Variants in CNPY4 observed in about 807,000 individuals in gnomAD.
The protein encoded by CNPY4 is protein canopy homolog 4.
Under a neutral mutation model 30.1 loss-of-function variants are expected in CNPY4, and 33 were observed. That is an observed-to-expected ratio of 1.10 (90% CI 0.83 to 1.46). CNPY4 has a LOEUF of 1.46. Among genes scored for constraint, CNPY4 ranks in the 40% most tolerant of loss-of-function variants. CNPY4 has a pLI of 0.00. For missense variants in CNPY4, 324 were observed against 302.6 expected, an observed-to-expected ratio of 1.07 and a Z score of -0.52; for synonymous variants, 109 against 110.1, an observed-to-expected ratio of 0.99 and a Z score of 0.06.
At chr7:100,121,086 A>AT in intron 1 of CNPY4, 1 of 57,570 alleles carries the variant, frequency 1.7e-5, no homozygotes. Flanking sequence ...CAATTGTATT[A>AT]ATTTTATATA....
chr7:100,120,927 A>G (rs1798020050), intron 1 of CNPY4, among the ~76,000 whole-genome samples: 1 of 151,814 alleles, frequency 6.6e-6, no homozygotes. Context: ...ATTGCTGTCT[A>G]TATTGTTAGT....
chr7:100,121,108 A>ATTTTTTTTTTTT (rs1562938218), intron 1 of CNPY4: 3 of 17,890 alleles, frequency 1.7e-4, no homozygotes, highest in Non-Finnish European at 3.8e-4. Flanking sequence ...ATATATATAT[A>ATTTTTTTTTTTT]TATATATATT....
chr7:100,122,301 G>A lies in CNPY4; in HGVS notation c.161G>A (p.Arg54His), dbSNP rs774672735. Residue 54 changes from arginine (R) to histidine (H), a missense_variant, in exon 2 of 6, where the codon CGC (arginine) becomes CAC (histidine). By Grantham distance (29) the Arg-to-His change is conservative. Transcript: ENST00000262932. ...LSTELQAELS[R>H]TGRSREVLEL... ...ACAGAGCTACAGGCGGAACTGAGTC[G>A]CACCGGTCGATCTCGAGAGGTGCTG... 14 of 1,613,970 alleles carry A rather than the reference G, an allele frequency of 8.7e-6. No homozygotes were observed. The highest frequency in any genetic ancestry group is 5.0e-5 in the Admixed American group (3 of 59,990).
At position 100,124,804 on chromosome 7, in the gene CNPY4, G is replaced by C; in HGVS notation, c.663G>C (p.Glu221Asp). 6.2e-7 allele frequency: 1 copy of C among 1,613,638 alleles called. No homozygotes were observed. Among genetic ancestry groups the C allele is most frequent in the Non-Finnish European group, 8.5e-7 (1 of 1,179,770 alleles). ...CAGAAGGGGAGGAAGAGCAGGAGGA[G>C]GAGGAGGAAGAGGAGGAAGAGGAAG... ...EKTEGEEEQE[E>D]EEEEEEEEGG... Residue 221 changes from glutamate to aspartate, a missense_variant, in exon 6 of 6, where the codon GAG (glutamate) becomes GAC (aspartate). By Grantham distance (45) the Glu-to-Asp change is conservative. Coordinates refer to ENST00000262932, the MANE Select transcript of CNPY4 (RefSeq NM_152755.2).
In CNPY4 at chr7:100,122,258, G is replaced by A. The variant is rs972157671; in HGVS notation, c.119-1G>A. 9 of 1,593,792 alleles carry A rather than the reference G, an allele frequency of 5.6e-6. No homozygotes were observed. Among genetic ancestry groups the A allele is most frequent in the South Asian group, 1.1e-5 (1 of 90,814 alleles). On this transcript the variant is annotated splice_acceptor_variant, in intron 1 of 5. Transcript: ENST00000262932. LOFTEE classifies it high-confidence loss of function. Reference sequence around the variant, plus strand: ...CCCCGGACGTTTCTCCTCCCCACCAGTGTGTAAGCTGCTGAGCACAGAGCT... The same window carrying A: ...CCCCGGACGTTTCTCCTCCCCACCAATGTGTAAGCTGCTGAGCACAGAGCT...
chr7:100,124,069 G>A (rs1414082034), intron 4 of CNPY4, among the ~76,000 whole-genome samples: 4 of 151,704 alleles, frequency 2.6e-5, no homozygotes, highest in South Asian at 2.1e-4. Flanking sequence ...CCCGGGAGGC[G>A]GAGGTTGCAG....
At position 100,122,335 on chromosome 7, in the gene CNPY4, G is replaced by C. The variant is rs1233180795; in HGVS notation, c.195G>C (p.Gly65=). The change falls in exon 2 of 6, where the codon GGG becomes GGC. Residue 65 remains glycine (G), a synonymous_variant. Transcript: ENST00000262932. ...TGRSREVLEL[G]QVLDTGKRKR... ...GATCTCGAGAGGTGCTGGAGCTGGGGCAGGTGCTGGATACAGGCAAGAGGA... is the reference window on the plus strand; with the variant it reads ...GATCTCGAGAGGTGCTGGAGCTGGGCCAGGTGCTGGATACAGGCAAGAGGA... The C allele has an allele frequency of 6.2e-7, 1 of 1,614,172 alleles. No homozygotes were observed. Among genetic ancestry groups the C allele is most frequent in the South Asian group, 1.1e-5 (1 of 91,088 alleles).
At position 100,119,858 on chromosome 7, in the gene CNPY4, C is replaced by A. The variant is rs143409974; in HGVS notation, c.114C>A (p.Cys38Ter). The change falls in exon 1 of 6, where the codon TGC (cysteine) becomes TGA (stop). Residue 38 changes from cysteine to a stop codon, truncating the protein, a stop_gained. Transcript: ENST00000262932. LOFTEE classifies it high-confidence loss of function. ...ACACAGAACGCTTGCCCAGCAAATG[C>A]GAAGGTATTTGAAGGGGGTAGCCCC... ...DDDTERLPSK[C>*]EVCKLLSTEL... is the part of the protein sequence containing the mutation. 1.2e-6 allele frequency: 2 copies of A among 1,611,078 alleles called. No individual in the cohort carries two copies. The highest frequency in any genetic ancestry group is 1.3e-5 in the African/African-American group (1 of 74,648).
At position 100,119,697 on chromosome 7, in the gene CNPY4, T is replaced by C. The variant is rs1343729131; in HGVS notation, c.-48T>C. 6.2e-7 allele frequency: 1 copy of C among 1,613,890 alleles called. No homozygotes were observed. The highest frequency in any genetic ancestry group is 1.7e-5 in the Admixed American group (1 of 59,958). ...GGAATTTAAGGGACCCACACTACCT[T>C]CCCGAAGTTGAAGGCAAGCGGTGAT... is the stretch of plus-strand genomic sequence containing the variant. On this transcript the variant is annotated 5_prime_UTR_variant, in exon 1 of 6. Transcript: ENST00000262932.
At chr7:100,123,888 T>C (rs1798146980) in intron 4 of CNPY4, among the ~76,000 whole-genome samples, 1 of 152,072 alleles carries the variant, frequency 6.6e-6, no homozygotes, top group East Asian at 1.9e-4. Context: ...CCCAGCACTT[T>C]GGGAGGGCGA....
chr7:100,122,048 T>TCA, intron 1 of CNPY4: 6 of 309,968 alleles, frequency 1.9e-5, no homozygotes, highest in South Asian at 1.4e-4. Context: ...AGAGTCCGTC[T>TCA]GAAAAAAAAA....
intron 4 of CNPY4, among the ~76,000 whole-genome samples, chr7:100,123,115 G>A (rs1798117197): frequency 6.6e-6 from 1 of 152,098 alleles, no homozygotes; most frequent in Non-Finnish European, 1.5e-5. Context: ...GCTGAGGCAG[G>A]TGGATCACCT....
chr7:100,119,913 T>C (rs1213853134), intron 1 of CNPY4, 51 bp downstream of exon 1: 1 of 1,512,792 alleles, frequency 6.6e-7, no homozygotes, highest in East Asian at 2.3e-5. Flanking sequence ...CACCTCCTTC[T>C]TCTAGGCCGG....
At chr7:100,120,786 C>T (rs971263889) in intron 1 of CNPY4, among the ~76,000 whole-genome samples, 1 of 152,124 alleles carries the variant, frequency 6.6e-6, no homozygotes, top group Non-Finnish European at 1.5e-5. Context: ...AATCCCAGCA[C>T]TTTGGAAGGC....
intron 1 of CNPY4, among the ~76,000 whole-genome samples, chr7:100,120,694 G>T (rs1016749121): frequency 1.5e-4 from 23 of 152,106 alleles, no homozygotes; most frequent in African/African-American, 2.4e-4. Flanking sequence ...TCACCTAATT[G>T]TATCAGTCCT....
At chr7:100,121,877 T>G (rs10240965) in intron 1 of CNPY4, among the ~76,000 whole-genome samples, 1 of 150,930 alleles carries the variant, frequency 6.6e-6, no homozygotes, top group East Asian at 2.0e-4. Context: ...GGTGAAACCC[T>G]GTCTCTACTA....
chr7:100,124,874 C>A lies in CNPY4; in HGVS notation c.733C>A (p.Arg245=), dbSNP rs758612090. The change falls in exon 6 of 6, where the codon CGA becomes AGA. Residue 245 remains arginine, a synonymous_variant. Transcript: ENST00000262932. The part of the protein sequence containing the change: ...TKTGSHPKLD[R]EDL ...GACAGGAAGCCACCCCAAACTTGAC[C>A]GAGAAGATCTTTGACCCTTGCCTTT... 1.3e-6 allele frequency: 2 copies of A among 1,597,850 alleles called. No individual in the cohort carries two copies. Among genetic ancestry groups the A allele is most frequent in the South Asian group, 1.1e-5 (1 of 88,390 alleles).
chr7:100,121,734 C>T (rs1424448246), intron 1 of CNPY4, among the ~76,000 whole-genome samples: 3 of 151,712 alleles, frequency 2.0e-5, no homozygotes, highest in Non-Finnish European at 4.4e-5. Flanking sequence ...GCCACCACTC[C>T]TGGCCTATTA....
At chr7:100,123,341 TA>T (rs1244231818) in intron 4 of CNPY4, among the ~76,000 whole-genome samples, 45 of 138,152 alleles carry the variant, frequency 3.3e-4, no homozygotes, top group African/African-American at 8.6e-4. Flanking sequence ...GACTCCATCT[TA>T]AAAAAAAAAA....
Sources: gnomAD v4.1 joint callset for allele counts (sites outside exome capture counted in the v4.1 genomes callset) on GRCh38, gnomAD v4.1.1 for gene constraint, MANE v1.5 for transcripts, NCBI Gene and HGNC (gene_info 2026-07-23, HGNC 2026-07-21) for gene names.